Variants in NXPE2 observed in about 807,000 individuals in gnomAD.
The protein encoded by NXPE2 is NXPE family member 2.
NXPE2 carries 34 observed loss-of-function variants against 34.4 expected under a neutral mutation model. The observed-to-expected ratio is 0.99, with a 90% CI of 0.75 to 1.31. NXPE2 has a LOEUF of 1.31. Ranked by LOEUF, NXPE2 falls within the 40% of genes most tolerant of loss-of-function variation. The pLI, the probability that NXPE2 is intolerant of heterozygous loss-of-function variation, is 0.00. For synonymous variants in NXPE2, 235 were observed against 231.3 expected (o/e 1.02, Z -0.15); for missense variants, 649 against 672.5 (o/e 0.97, Z 0.39).
At chr11:114,521,246 G>A in the NXPE2 span, among the ~76,000 whole-genome samples, 2 of 152,208 alleles carry the variant, frequency 1.3e-5, no homozygotes, top group South Asian at 2.1e-4. Flanking sequence ...CTCCACTTAC[G>A]ACACATGAGA....
the NXPE2 span, among the ~76,000 whole-genome samples, chr11:114,729,369 T>A: frequency 0.97 from 147,640 of 152,290 alleles, 71,719 homozygotes; most frequent in Middle Eastern, 1. Context: ...TGTGATGAAC[T>A]TACAAGTGCA....
At chr11:114,538,855 C>T in the NXPE2 span, among the ~76,000 whole-genome samples, 2 of 152,116 alleles carry the variant, frequency 1.3e-5, no homozygotes, top group African/African-American at 2.4e-5. Context: ...ACTAGTTCAA[C>T]CATTGTGGAA....
At chr11:114,611,975 G>A in the NXPE2 span, among the ~76,000 whole-genome samples, 126 of 152,082 alleles carry the variant, frequency 8.3e-4, 1 homozygote, top group East Asian at 0.021. Context: ...TGCCTCGTGG[G>A]TAACCACAGT....
the NXPE2 span, among the ~76,000 whole-genome samples, chr11:114,790,860 T>C: frequency 6.6e-6 from 1 of 152,102 alleles, no homozygotes; most frequent in Admixed American, 6.5e-5. Context: ...CCCCTCCCTG[T>C]CCCTGAAGAG....
chr11:114,517,507 CT>C, the NXPE2 span, among the ~76,000 whole-genome samples: 1 of 152,102 alleles, frequency 6.6e-6, no homozygotes, highest in African/African-American at 2.4e-5. Flanking sequence ...TGCTGTGTCC[CT>C]TTTTTATGTA....
rs1044109628 is a variant in NXPE2 at position 114,706,777 on chromosome 11, T to C, written c.1527T>C (p.Ile509=). The C allele has an allele frequency of 6.4e-7, 1 of 1,552,422 alleles. No homozygotes were observed. Among genetic ancestry groups the C allele is most frequent in the Non-Finnish European group, 8.7e-7 (1 of 1,147,108 alleles). ...AEMFSDFHGY[I]QNLIIRDIFV... ...TGTTCAGTGACTTTCATGGCTATAT[T>C]CAGAATCTTATCATAAGAGATATTT... The change falls in exon 6 of 6, where the codon ATT becomes ATC. Residue 509 remains isoleucine (I), a synonymous_variant. Coordinates refer to ENST00000389586, the MANE Select transcript of NXPE2 (RefSeq NM_182495.6).
the NXPE2 span, among the ~76,000 whole-genome samples, chr11:114,488,568 T>C: frequency 1.3e-5 from 2 of 152,136 alleles, no homozygotes; most frequent in Non-Finnish European, 2.9e-5. Flanking sequence ...TCAAAACTGC[T>C]CAACTACATG....
chr11:114,751,321 A>G, the NXPE2 span, among the ~76,000 whole-genome samples: 3 of 152,208 alleles, frequency 2.0e-5, no homozygotes, highest in Admixed American at 6.5e-5. Flanking sequence ...TCGTTGGTTG[A>G]TTCCAGTGGT....
chr11:114,552,314 G>A, the NXPE2 span, among the ~76,000 whole-genome samples: 5 of 152,184 alleles, frequency 3.3e-5, no homozygotes, highest in African/African-American at 1.2e-4. Flanking sequence ...CAGAAGAGAA[G>A]ACAAGGGGCA....
chr11:114,610,668 C>T, the NXPE2 span, among the ~76,000 whole-genome samples: 1 of 145,740 alleles, frequency 6.9e-6, no homozygotes, highest in South Asian at 2.2e-4. Context: ...GTGGATAATA[C>T]ATGTTGCCTC....
chr11:114,738,220 TG>T, the NXPE2 span, among the ~76,000 whole-genome samples: 1 of 152,144 alleles, frequency 6.6e-6, no homozygotes, highest in African/African-American at 2.4e-5. Context: ...AAGTTGTAGA[TG>T]GGGGAAATAG....
chr11:114,547,272 C>A, the NXPE2 span, among the ~76,000 whole-genome samples: 1,910 of 152,264 alleles, frequency 0.013, 46 homozygotes, highest in African/African-American at 0.043. Flanking sequence ...GAGTGGAAGA[C>A]CACTTAGCTC....
intron 4 of NXPE2, among the ~76,000 whole-genome samples, chr11:114,704,658 C>T (rs1951438617): frequency 6.6e-6 from 1 of 152,152 alleles, no homozygotes. Flanking sequence ...TACTCATCAC[C>T]CCTTTTTCAT....
chr11:114,567,974 T>G, the NXPE2 span, among the ~76,000 whole-genome samples: 1 of 152,104 alleles, frequency 6.6e-6, no homozygotes, highest in Non-Finnish European at 1.5e-5. Flanking sequence ...TATATATATA[T>G]ACTGGCCAAT....
At chr11:114,614,319 A>T in the NXPE2 span, among the ~76,000 whole-genome samples, 1 of 151,452 alleles carries the variant, frequency 6.6e-6, no homozygotes. Context: ...CCTCGTAGGT[A>T]ACCACGGTTA....
chr11:114,611,171 T>C, the NXPE2 span, among the ~76,000 whole-genome samples: 1 of 151,468 alleles, frequency 6.6e-6, no homozygotes, highest in Non-Finnish European at 1.5e-5. Flanking sequence ...AAGGACTGTC[T>C]CATGGGTAAC....
At chr11:114,536,236 A>T in the NXPE2 span, among the ~76,000 whole-genome samples, 1 of 152,244 alleles carries the variant, frequency 6.6e-6, no homozygotes, top group African/African-American at 2.4e-5. Context: ...GAAACCAATG[A>T]GAACAAAGAC....
chr11:114,772,995 C>T, the NXPE2 span, among the ~76,000 whole-genome samples: 1 of 152,122 alleles, frequency 6.6e-6, no homozygotes, highest in Non-Finnish European at 1.5e-5. Context: ...CTCTACTACT[C>T]AAAGTAGAAT....
At chr11:114,690,910 A>T (rs1297789390) in intron 2 of NXPE2, among the ~76,000 whole-genome samples, 1 of 152,036 alleles carries the variant, frequency 6.6e-6, no homozygotes, top group East Asian at 1.9e-4. Context: ...TCCTATAGTC[A>T]ATTTTTTAAT....
Sources: allele counts gnomAD v4.1 joint callset (sites outside exome capture counted in the v4.1 genomes callset), GRCh38; gene constraint gnomAD v4.1.1; transcripts MANE v1.5; gene names NCBI Gene and HGNC (gene_info 2026-07-23, HGNC 2026-07-21).